Variants in TENM2 observed in about 807,000 individuals in gnomAD.
TENM2 encodes teneurin transmembrane protein 2.
TENM2 carries 52 observed loss-of-function variants against 245.2 expected under a neutral mutation model. That is an observed-to-expected ratio of 0.21 (90% confidence interval 0.17 to 0.27). TENM2 has a LOEUF of 0.27. Among genes scored for constraint, TENM2 ranks in the 10% least tolerant of loss-of-function variants. The pLI is 1.00. For missense variants in TENM2, 3,046 were observed against 3,666.8 expected, an observed-to-expected ratio of 0.83 and a Z score of 4.37; for synonymous variants, 1,363 against 1,438.9, an observed-to-expected ratio of 0.95 and a Z score of 1.19.
At chr5:167,454,405 A>G (rs2127480796) in intron 2 of TENM2, among the ~76,000 whole-genome samples, 1 of 152,216 alleles carries the variant, frequency 6.6e-6, no homozygotes, top group East Asian at 1.9e-4. Context: ...GGATGGCTTC[A>G]GGCATGGCTT....
At chr5:167,584,017 C>T (rs538586083) in intron 2 of TENM2, among the ~76,000 whole-genome samples, 1 of 152,340 alleles carries the variant, frequency 6.6e-6, no homozygotes, top group East Asian at 1.9e-4. Context: ...CTCTGTGATA[C>T]TGTAACAATG....
At chr5:167,837,118 T>C (rs977670446) in intron 2 of TENM2, among the ~76,000 whole-genome samples, 2 of 151,780 alleles carry the variant, frequency 1.3e-5, no homozygotes, top group Non-Finnish European at 2.9e-5. Context: ...CTGGATAGTG[T>C]TTTATAATAT....
At chr5:168,069,194 C>A (rs1040530237) in intron 7 of TENM2, among the ~76,000 whole-genome samples, 6 of 152,158 alleles carry the variant, frequency 3.9e-5, no homozygotes, top group Non-Finnish European at 7.3e-5. Context: ...TCCATCAGTG[C>A]AATTGCTTGT....
the TENM2 span, among the ~76,000 whole-genome samples, chr5:167,008,088 A>G: frequency 6.6e-6 from 1 of 152,110 alleles, no homozygotes; most frequent in South Asian, 2.1e-4. Flanking sequence ...CTTCAAAATA[A>G]ATCATTTTTA....
intron 2 of TENM2, among the ~76,000 whole-genome samples, chr5:167,762,727 T>C (rs1762762706): frequency 6.6e-6 from 1 of 152,208 alleles, no homozygotes; most frequent in Non-Finnish European, 1.5e-5. Context: ...GCAGGGTGTT[T>C]TTCCCCTTTC....
the TENM2 span, among the ~76,000 whole-genome samples, chr5:167,130,192 G>A: frequency 2.0e-5 from 3 of 152,180 alleles, no homozygotes; most frequent in Non-Finnish European, 2.9e-5. Flanking sequence ...TGTACAAAGA[G>A]TAACACTATG....
At chr5:167,601,847 A>G (rs1362479347) in intron 2 of TENM2, among the ~76,000 whole-genome samples, 3 of 152,172 alleles carry the variant, frequency 2.0e-5, no homozygotes, top group African/African-American at 4.8e-5. Context: ...GTTGTATTCA[A>G]TATCATTCCA....
the TENM2 span, among the ~76,000 whole-genome samples, chr5:167,045,628 A>G: frequency 6.6e-6 from 1 of 152,206 alleles, no homozygotes; most frequent in Non-Finnish European, 1.5e-5. Flanking sequence ...TTAACTCTGT[A>G]CATAGTTTCA....
At chr5:167,207,307 A>G in the TENM2 span, among the ~76,000 whole-genome samples, 1 of 152,182 alleles carries the variant, frequency 6.6e-6, no homozygotes, top group Admixed American at 6.5e-5. Context: ...GACACGCCCC[A>G]AGCCCAAAGT....
chr5:168,047,693 G>T (rs1324852994), intron 6 of TENM2, 144 bp downstream of exon 8: 2 of 1,023,168 alleles, frequency 2.0e-6, no homozygotes, highest in Non-Finnish European at 2.8e-6. Context: ...CCTTTCATAG[G>T]TGCCCCCATT....
At chr5:167,058,820 C>T in the TENM2 span, among the ~76,000 whole-genome samples, 4 of 152,168 alleles carry the variant, frequency 2.6e-5, no homozygotes, top group Non-Finnish European at 5.9e-5. Context: ...GTGCACAGCT[C>T]ATCTTACTTT....
At chr5:167,063,813 G>T in the TENM2 span, among the ~76,000 whole-genome samples, 1 of 152,146 alleles carries the variant, frequency 6.6e-6, no homozygotes, top group Admixed American at 6.5e-5. Flanking sequence ...TCTCTTAATG[G>T]CTAGAAAGTT....
chr5:168,127,713 T>C (rs1420898896), intron 12 of TENM2, among the ~76,000 whole-genome samples: 1 of 152,218 alleles, frequency 6.6e-6, no homozygotes, highest in Non-Finnish European at 1.5e-5. Context: ...TTTGCACATC[T>C]CTCAGACAGT....
At chr5:167,184,315 T>C in the TENM2 span, among the ~76,000 whole-genome samples, 7 of 152,360 alleles carry the variant, frequency 4.6e-5, no homozygotes, top group African/African-American at 1.7e-4. Flanking sequence ...GCTGTGCATT[T>C]TTCTTGTGAC....
At position 167,507,485 on chromosome 5, in the gene TENM2, A is replaced by C. The variant is rs150229540; in HGVS notation, c.502+132012A>C. Among the ~76,000 whole-genome samples the C allele has an allele frequency of 3.3e-3, 503 of 152,300 alleles. 13 individuals carry two copies. Among genetic ancestry groups the C allele is most frequent in the Admixed American group, 0.027 (416 of 15,290 alleles). On this transcript the variant is annotated intron_variant, in intron 2 of 28. Coordinates refer to ENST00000518659, the Ensembl canonical transcript of TENM2. ...TATATAAAATTTCCAACTTCTAAAA[A>C]AATTAGGACACAGATTGAAGCAGTA...
chr5:167,155,508 A>G, the TENM2 span, among the ~76,000 whole-genome samples: 1 of 152,192 alleles, frequency 6.6e-6, no homozygotes, highest in African/African-American at 2.4e-5. Context: ...GGGATCCTGT[A>G]GAGCATCTTG....
chr5:167,357,117 G>A (rs1310922478), intron 1 of TENM2, among the ~76,000 whole-genome samples: 2 of 152,008 alleles, frequency 1.3e-5, no homozygotes, highest in Non-Finnish European at 2.9e-5. Flanking sequence ...GAGGAAAAAG[G>A]CCTTGTCTTA....
intron 9 of TENM2, among the ~76,000 whole-genome samples, chr5:168,103,966 G>A (rs553009859): frequency 4.6e-5 from 7 of 152,244 alleles, no homozygotes; most frequent in Admixed American, 6.5e-5. Flanking sequence ...CCCATCTCCC[G>A]GCTGTGGGCC....
At chr5:168,240,785 A>G (rs1336724588) in intron 25 of TENM2, 1 of 152,208 alleles carries the variant, frequency 6.6e-6, no homozygotes, top group African/African-American at 2.4e-5. Context: ...GGAAATAAGT[A>G]GGCATGATGG....
Sources: gnomAD v4.1 joint callset for allele counts (sites outside exome capture counted in the v4.1 genomes callset) on GRCh38, gnomAD v4.1.1 for gene constraint, MANE v1.5 for transcripts, NCBI Gene and HGNC (gene_info 2026-07-23, HGNC 2026-07-21) for gene names.